Variants in MORN1 observed in about 807,000 individuals in gnomAD.
MORN1 encodes the protein MORN repeat-containing protein 1.
Under a neutral mutation model 61.9 loss-of-function variants are expected in MORN1, and 67 were observed. That is an observed-to-expected ratio of 1.08 (90% CI 0.89 to 1.33). MORN1 has a LOEUF of 1.33. Among genes scored for constraint, MORN1 ranks in the 40% most tolerant of loss-of-function variants. The probability of loss-of-function intolerance (pLI) is 0.00; values close to 1 mark genes in which losing one functional copy is unlikely to be tolerated. For missense variants in MORN1, 752 were observed against 691.2 expected (o/e 1.09, Z -0.99); for synonymous variants, 301 against 292.0 (o/e 1.03, Z -0.31).
chr1:2,386,483 G>A (rs764149766), intron 4 of MORN1: 28 of 155,478 alleles, frequency 1.8e-4, no homozygotes, highest in Admixed American at 5.1e-4. Context: ...AGGCTGGAGT[G>A]CAGTGGCACG....
At position 2,321,479 on chromosome 1, in the gene MORN1, A is replaced by G. The variant is rs1431586478; in HGVS notation, c.1398T>C (p.Ala466=). 1 of 1,529,278 alleles carries G rather than the reference A, an allele frequency of 6.5e-7. No individual in the cohort carries two copies. Among genetic ancestry groups the G allele is most frequent in the Non-Finnish European group, 8.8e-7 (1 of 1,137,826 alleles). The allele number at this position is 1,529,278 out of a possible 1,614,324, so 94.7% of individuals were successfully genotyped here. A position where few individuals can be genotyped will look rare whatever the true frequency, so the allele number is the denominator to read the frequency against. The change falls in exon 14 of 14, where the codon GCT becomes GCC. Residue 466 remains alanine, a synonymous_variant. Coordinates refer to ENST00000378531, the MANE Select transcript of MORN1 (RefSeq NM_024848.3). ...CTTCCAGGACATGGGGTGGCTGGCCAGCCCTCTTCGCTACGACCCGCAGGT... is the reference window on the plus strand; with the variant it reads ...CTTCCAGGACATGGGGTGGCTGGCCGGCCCTCTTCGCTACGACCCGCAGGT... ...FKHLRVVAKR[A]GQPPHVLEEG... is the part of the protein sequence containing the mutation.
At chr1:2,325,146 C>CCTTCCCTT (rs1640988125) in intron 12 of MORN1, among the ~76,000 whole-genome samples, 1 of 19,412 alleles carries the variant, frequency 5.2e-5, no homozygotes, top group African/African-American at 2.5e-4. Flanking sequence ...CTCCCTCCCT[C>CCTTCCCTT]CCTTCCTTCC....
At position 2,321,519 on chromosome 1, in the gene MORN1, G is replaced by A; in HGVS notation, c.1358C>T (p.Pro453Leu). 6.5e-7 allele frequency: 1 copy of A among 1,535,266 alleles called. No individual in the cohort carries two copies. Among genetic ancestry groups the A allele is most frequent in the Non-Finnish European group, 8.8e-7 (1 of 1,140,234 alleles). Residue 453 changes from proline (P) to leucine (L), a missense_variant, in exon 14 of 14, where the codon CCC (proline) becomes CTC (leucine). Coordinates refer to ENST00000378531, the MANE Select transcript of MORN1 (RefSeq NM_024848.3). ...TTPPFLGRRL[P>L]PAFKHLRVVA... Reference sequence around the variant, plus strand: ...GACCCGCAGGTGTTTGAAGGCCGGGGGCAGCCTGCGCCCCAGGAACGGCGG... The same window carrying A: ...GACCCGCAGGTGTTTGAAGGCCGGGAGCAGCCTGCGCCCCAGGAACGGCGG...
chr1:2,379,137 C>T (rs956221376), intron 6 of MORN1: 4 of 471,046 alleles, frequency 8.5e-6, no homozygotes, highest in East Asian at 6.9e-5. Flanking sequence ...ACAGGTCTCC[C>T]GGAGGGGCCT....
At chr1:2,384,630 C>T (rs747859679) in intron 6 of MORN1, among the ~76,000 whole-genome samples, 2 of 152,346 alleles carry the variant, frequency 1.3e-5, no homozygotes, top group African/African-American at 4.8e-5. Context: ...GCCTCAGCTG[C>T]GCCACCAGTC....
intron 10 of MORN1, among the ~76,000 whole-genome samples, chr1:2,342,715 G>T (rs1457354065): frequency 6.6e-6 from 1 of 152,130 alleles, no homozygotes; most frequent in East Asian, 1.9e-4. Flanking sequence ...CCACGAGGAG[G>T]TGTAGGCTGG....
At chr1:2,343,290 C>T (rs79069312) in intron 10 of MORN1, among the ~76,000 whole-genome samples, 6,031 of 152,298 alleles carry the variant, frequency 0.04, 395 homozygotes, top group African/African-American at 0.13. Context: ...GGGCTCTCTC[C>T]GTGCCCGCCC....
intron 3 of MORN1, 94 bp downstream of exon 3, chr1:2,388,145 A>C: frequency 2.0e-6 from 2 of 977,864 alleles, no homozygotes. Flanking sequence ...CTTCCCGTCT[A>C]CACGTCACGC....
intron 8 of MORN1, among the ~76,000 whole-genome samples, chr1:2,362,758 G>A (rs1476258179): frequency 2.0e-5 from 3 of 152,126 alleles, no homozygotes. Flanking sequence ...CAGCTACTTG[G>A]GAGGCTGAGG....
intron 10 of MORN1, among the ~76,000 whole-genome samples, chr1:2,346,398 T>C (rs1354902099): frequency 2.0e-5 from 3 of 152,210 alleles, no homozygotes; most frequent in Non-Finnish European, 2.9e-5. Context: ...GTATATTTTA[T>C]TTTTTGAGAC....
intron 12 of MORN1, among the ~76,000 whole-genome samples, chr1:2,325,287 C>CTCCT (rs1553205926): frequency 3.7e-5 from 5 of 136,356 alleles, no homozygotes; most frequent in Admixed American, 7.6e-5. Context: ...CTCTCTCTCT[C>CTCCT]CTCTCTCTCT....
intron 8 of MORN1, among the ~76,000 whole-genome samples, chr1:2,359,604 C>T (rs1641849815): frequency 6.6e-6 from 1 of 152,122 alleles, no homozygotes; most frequent in Admixed American, 6.5e-5. Context: ...GGAAGGAGGC[C>T]AGATGTGGTG....
chr1:2,350,623 A>T (rs1641624243), intron 10 of MORN1: 1 of 152,204 alleles, frequency 6.6e-6, no homozygotes, highest in South Asian at 2.1e-4. Context: ...CAGTGGAGCG[A>T]GCCCTGTGCT....
chr1:2,357,086 T>C lies in MORN1; in HGVS notation c.1036+346A>G, dbSNP rs966390174. ...TGTGAGGGCTCCCGGGCGGCAGGAG[T>C]GGCTGGGGCCGTGTCCAGGCTGGCC... On this transcript the variant is annotated intron_variant, in intron 10 of 13. Transcript: ENST00000378531. This position sits in a 1 kb window ranked among gnomAD's most constrained non-coding sequence, Gnocchi z 6.3. Among the ~76,000 whole-genome samples, 1 of 151,862 alleles carries C rather than the reference T, an allele frequency of 6.6e-6. No individual in the cohort carries two copies. The highest frequency in any genetic ancestry group is 1.5e-5 in the Non-Finnish European group (1 of 67,930).
chr1:2,364,800 C>T (rs1172687120), intron 8 of MORN1, among the ~76,000 whole-genome samples: 1 of 151,980 alleles, frequency 6.6e-6, no homozygotes, highest in Non-Finnish European at 1.5e-5. Flanking sequence ...TTTCCCAGCA[C>T]CATTTATTAA....
intron 12 of MORN1, among the ~76,000 whole-genome samples, chr1:2,325,112 C>CCTT (rs1640979008): frequency 1.5e-5 from 1 of 67,106 alleles, no homozygotes; most frequent in Non-Finnish European, 2.8e-5. Context: ...CCCTTTCCTT[C>CCTT]CCTTCCTTCC....
intron 8 of MORN1, among the ~76,000 whole-genome samples, chr1:2,369,367 A>AG (rs1262317875): frequency 1.3e-5 from 2 of 151,596 alleles, no homozygotes; most frequent in Non-Finnish European, 2.9e-5. Flanking sequence ...AAAAAAAAAA[A>AG]AAAAAAAAGA....
chr1:2,335,954 G>A (rs188823094), intron 12 of MORN1, among the ~76,000 whole-genome samples: 164 of 152,134 alleles, frequency 1.1e-3, no homozygotes, highest in African/African-American at 3.8e-3. Context: ...GGCCGGTTAC[G>A]GCCCTGCATG....
At position 2,357,077 on chromosome 1, in the gene MORN1, C is replaced by T. The variant is rs1030509726; in HGVS notation, c.1036+355G>A. 4.6e-5 allele frequency among the ~76,000 whole-genome samples: 7 copies of T among 152,156 alleles called. No homozygotes were observed. Among genetic ancestry groups the T allele is most frequent in the African/African-American group, 9.7e-5 (4 of 41,440 alleles). ...GGCGGCTGCTGTGAGGGCTCCCGGG[C>T]GGCAGGAGTGGCTGGGGCCGTGTCC... On this transcript the variant is annotated intron_variant, in intron 10 of 13. Coordinates refer to ENST00000378531, the MANE Select transcript of MORN1 (RefSeq NM_024848.3). This position sits in a 1 kb window ranked among gnomAD's most constrained non-coding sequence, Gnocchi z 6.3.
Sources: gnomAD v4.1 joint callset for allele counts (sites outside exome capture counted in the v4.1 genomes callset) on GRCh38, gnomAD v4.1.1 for gene constraint, Gnocchi (gnomAD v3.1) non-coding constraint, MANE v1.5 for transcripts, NCBI Gene and HGNC (gene_info 2026-07-23, HGNC 2026-07-21) for gene names.